GRM7: variants seen among roughly 807,000 people sequenced by gnomAD.
GRM7 encodes glutamate metabotropic receptor 7.
GRM7 carries 35 observed loss-of-function variants against 84.5 expected under a neutral mutation model. The observed-to-expected ratio is 0.41, with a 90% CI of 0.32 to 0.55. GRM7 has a LOEUF of 0.55. Among genes scored for constraint, GRM7 ranks in the 20% least tolerant of loss-of-function variants. The pLI is 0.19. For synonymous variants in GRM7, 487 were observed against 455.1 expected (o/e 1.07, Z -0.89); for missense variants, 1,003 against 1,194.6 (o/e 0.84, Z 2.36).
At chr3:7,732,817 C>G (rs1294531818) in intron 9 of GRM7, among the ~76,000 whole-genome samples, 1 of 152,126 alleles carries the variant, frequency 6.6e-6, no homozygotes. Context: ...CAGGGTTAGT[C>G]CACAGTGCAA....
chr3:7,070,802 G>A (rs940165862), intron 1 of GRM7, among the ~76,000 whole-genome samples: 7 of 152,036 alleles, frequency 4.6e-5, no homozygotes, highest in African/African-American at 1.4e-4. Context: ...ACTGTAGACA[G>A]AACTAATGCA....
At chr3:7,725,479 C>G (rs1702090265) in intron 9 of GRM7, among the ~76,000 whole-genome samples, 1 of 152,054 alleles carries the variant, frequency 6.6e-6, no homozygotes. Flanking sequence ...TTGAATAAAT[C>G]AACTCCTGAG....
intron 3 of GRM7, among the ~76,000 whole-genome samples, chr3:7,306,263 T>C (rs1054889727): frequency 6.6e-6 from 1 of 152,206 alleles, no homozygotes; most frequent in African/African-American, 2.4e-5. Flanking sequence ...CATTTGTATT[T>C]ATCTTTTTAT....
Position 7,384,492 on chromosome 3 carries a change from A to T in GRM7, c.1034-30531A>T, listed in dbSNP as rs137957507. Among the ~76,000 whole-genome samples, 38 of 152,372 alleles carry T rather than the reference A, an allele frequency of 2.5e-4. No homozygotes were observed. The East Asian group carries it at 6.9e-3, about 28-fold the overall frequency. ...TACATACAAATTAGTATTTTCTAGT[A>T]GCCATATTTTAAAAAGGTAAAAATA... On this transcript the variant is annotated intron_variant, in intron 4 of 9. Coordinates refer to ENST00000357716, the MANE Select transcript of GRM7 (RefSeq NM_000844.4).
chr3:6,965,950 C>T (rs796293048), intron 1 of GRM7, among the ~76,000 whole-genome samples: 25 of 152,216 alleles, frequency 1.6e-4, no homozygotes, highest in South Asian at 1.0e-3. Flanking sequence ...CAAAAAGAAA[C>T]GGTGTTTTGG....
chr3:7,602,200 G>T (rs3804877), intron 8 of GRM7, among the ~76,000 whole-genome samples: 2 of 151,840 alleles, frequency 1.3e-5, no homozygotes, highest in Non-Finnish European at 2.9e-5. Flanking sequence ...CCTGGCTTTG[G>T]TGCCCTTGGA....
chr3:7,064,631 A>T lies in GRM7; in HGVS notation c.520-81821A>T, dbSNP rs1372325292. On this transcript the variant is annotated intron_variant, in intron 1 of 9. Transcript: ENST00000357716. ...TTTGCGTTGGTTCCAAGATTTTGCA[A>T]TTGTGAATTGTGCTGCTATAAACAT... 2.0e-5 allele frequency among the ~76,000 whole-genome samples: 3 copies of T among 150,442 alleles called. No individual in the cohort carries two copies. In the East Asian group the frequency reaches 5.9e-4, roughly 30 times the overall value.
intron 2 of GRM7, among the ~76,000 whole-genome samples, chr3:7,202,890 A>G (rs1696112760): frequency 6.6e-6 from 1 of 152,208 alleles, no homozygotes; most frequent in African/African-American, 2.4e-5. Flanking sequence ...GCATTTTTCA[A>G]AATGATTCTT....
chr3:6,941,806 T>A (rs1033499702), intron 1 of GRM7, among the ~76,000 whole-genome samples: 2 of 152,230 alleles, frequency 1.3e-5, no homozygotes, highest in Non-Finnish European at 2.9e-5. Flanking sequence ...GGTGTGGTAT[T>A]GATCTAGGTG....
At chr3:7,518,920 A>C (rs1235614623) in intron 7 of GRM7, among the ~76,000 whole-genome samples, 1 of 152,222 alleles carries the variant, frequency 6.6e-6, no homozygotes, top group Non-Finnish European at 1.5e-5. Context: ...ACATTTAAAA[A>C]ATTGCCATTC....
chr3:7,505,648 C>T (rs950760926), intron 7 of GRM7, among the ~76,000 whole-genome samples: 2 of 152,184 alleles, frequency 1.3e-5, no homozygotes, highest in African/African-American at 4.8e-5. Context: ...CTTATGCCTT[C>T]GATGACTTAT....
intron 1 of GRM7, among the ~76,000 whole-genome samples, chr3:6,947,225 C>T: frequency 6.6e-6 from 1 of 152,072 alleles, no homozygotes; most frequent in East Asian, 1.9e-4. Context: ...GAGCTATGTC[C>T]CATCAATACC....
chr3:7,405,700 C>T (rs1695645743), intron 4 of GRM7, among the ~76,000 whole-genome samples: 1 of 151,984 alleles, frequency 6.6e-6, no homozygotes, highest in Non-Finnish European at 1.5e-5. Context: ...ATTGAATGAG[C>T]ATTTATTTTG....
At chr3:7,673,849 A>AACTT (rs762390863) in intron 8 of GRM7, among the ~76,000 whole-genome samples, 2 of 152,208 alleles carry the variant, frequency 1.3e-5, no homozygotes, top group Admixed American at 6.5e-5. Context: ...TACAAACATG[A>AACTT]ACTTTGTGGT....
intron 2 of GRM7, among the ~76,000 whole-genome samples, chr3:7,185,670 G>A (rs115889127): frequency 6.6e-6 from 1 of 152,164 alleles, no homozygotes; most frequent in African/African-American, 2.4e-5. Flanking sequence ...CATCACCTGA[G>A]ATCCTGTAAG....
intron 7 of GRM7, among the ~76,000 whole-genome samples, chr3:7,530,130 C>A (rs1438941051): frequency 8.8e-6 from 1 of 113,628 alleles, no homozygotes; most frequent in Non-Finnish European, 1.7e-5. Flanking sequence ...GTGTGATGTT[C>A]CCCTCCCTGT....
chr3:7,465,197 A>G (rs1698412711), intron 7 of GRM7, among the ~76,000 whole-genome samples: 1 of 152,226 alleles, frequency 6.6e-6, no homozygotes, highest in African/African-American at 2.4e-5. Context: ...GCTAAGAGTG[A>G]TGTGTTAGGA....
intron 4 of GRM7, among the ~76,000 whole-genome samples, chr3:7,412,966 A>G (rs993162692): frequency 1.3e-5 from 2 of 151,686 alleles, no homozygotes; most frequent in Non-Finnish European, 2.9e-5. Flanking sequence ...AAGTTTAGAA[A>G]AAAACCTCAA....
chr3:7,397,954 G>A (rs922511618), intron 4 of GRM7, among the ~76,000 whole-genome samples: 2 of 152,024 alleles, frequency 1.3e-5, no homozygotes, highest in Non-Finnish European at 2.9e-5. Context: ...GAGCCAAAAC[G>A]TGGATGCACC....
Sources: gnomAD v4.1 joint callset for allele counts (sites outside exome capture counted in the v4.1 genomes callset) on GRCh38, gnomAD v4.1.1 for gene constraint, MANE v1.5 for transcripts, NCBI Gene and HGNC (gene_info 2026-07-23, HGNC 2026-07-21) for gene names.